The following DTNB variants were observed in gnomAD, a reference collection of about 807,000 sequenced individuals.
DTNB encodes DTN-B.
Under a neutral mutation model 90.7 loss-of-function variants are expected in DTNB, and 63 were observed. The observed-to-expected ratio is 0.69, with a 90% CI of 0.57 to 0.86. The LOEUF (loss-of-function observed/expected upper bound fraction) is 0.86. Ranked by LOEUF, DTNB falls within the 40% of genes least tolerant of loss-of-function variation. The probability of loss-of-function intolerance (pLI) is 0.00; values close to 1 mark genes in which losing one functional copy is unlikely to be tolerated. For missense variants in DTNB, 744 were observed against 807.1 expected (o/e 0.92, Z 0.95); for synonymous variants, 277 against 286.7 (o/e 0.97, Z 0.34).
At chr2:25,518,756 A>G (rs2075621454) in intron 9 of DTNB, among the ~76,000 whole-genome samples, 1 of 152,204 alleles carries the variant, frequency 6.6e-6, no homozygotes, top group East Asian at 1.9e-4. Flanking sequence ...TTAAGCTCAG[A>G]AGAATGATTC....
At chr2:25,445,863 A>T (rs1018790032) in intron 12 of DTNB, among the ~76,000 whole-genome samples, 33 of 151,240 alleles carry the variant, frequency 2.2e-4, no homozygotes, top group African/African-American at 7.8e-4. Context: ...TAGTTAGGAG[A>T]CAGGACAGTA....
intron 9 of DTNB, among the ~76,000 whole-genome samples, chr2:25,491,294 A>G (rs2067412886): frequency 6.6e-6 from 1 of 152,182 alleles, no homozygotes; most frequent in African/African-American, 2.4e-5. Context: ...AAGTTCCACA[A>G]CTTCCCAACA....
At chr2:25,389,811 A>G (rs2040565201) in intron 16 of DTNB, among the ~76,000 whole-genome samples, 1 of 151,774 alleles carries the variant, frequency 6.6e-6, no homozygotes. Context: ...CTCAACAGAA[A>G]TGGATTGTTT....
At chr2:25,566,897 T>C (rs929244835) in intron 8 of DTNB, among the ~76,000 whole-genome samples, 12 of 152,154 alleles carry the variant, frequency 7.9e-5, no homozygotes, top group Non-Finnish European at 7.4e-5. Flanking sequence ...GACTGACTTA[T>C]GAGAAAGCTG....
intron 10 of DTNB, among the ~76,000 whole-genome samples, chr2:25,473,543 G>A (rs2063202269): frequency 1.3e-5 from 2 of 152,200 alleles, no homozygotes; most frequent in South Asian, 2.1e-4. Flanking sequence ...AAGAGAGGAA[G>A]AGAGTATGTG....
chr2:25,657,288 T>TA (rs35284164), intron 1 of DTNB, among the ~76,000 whole-genome samples: 504 of 148,530 alleles, frequency 3.4e-3, no homozygotes, highest in Middle Eastern at 0.017. Flanking sequence ...ACCCATGAAA[T>TA]AAAAAAAAAA....
chr2:25,394,029 T>C (rs2041808812), intron 16 of DTNB, among the ~76,000 whole-genome samples: 2 of 152,144 alleles, frequency 1.3e-5, no homozygotes, highest in Admixed American at 1.3e-4. Flanking sequence ...AACAGCATGG[T>C]ACTGGTATAA....
chr2:25,431,732 C>A (rs2053916985), intron 14 of DTNB, among the ~76,000 whole-genome samples: 1 of 152,142 alleles, frequency 6.6e-6, no homozygotes, highest in Non-Finnish European at 1.5e-5. Flanking sequence ...AGGCACTAGA[C>A]AACAGGTGCA....
chr2:25,435,351 T>C (rs1426983597), intron 12 of DTNB, among the ~76,000 whole-genome samples: 1 of 152,146 alleles, frequency 6.6e-6, no homozygotes, highest in Non-Finnish European at 1.5e-5. Context: ...ATTCATGAGG[T>C]TGTGAAGCCA....
chr2:25,531,506 T>C lies in DTNB; in HGVS notation c.968A>G (p.Gln323Arg). The change falls in exon 9 of 21, where the codon CAA (glutamine) becomes CGA (arginine). Residue 323 changes from glutamine (Q) to arginine (R), a missense_variant. By Grantham distance (43) the Gln-to-Arg change is conservative (BLOSUM62 1). Coordinates refer to ENST00000406818, the MANE Select transcript of DTNB (RefSeq NM_021907.5). Reference sequence around the variant, plus strand: ...TGCAAGGTCAAGTGGTTTCTCTGGTTGCTCAGGAAAAACAGGATGCGGGGG... The same window carrying C: ...TGCAAGGTCAAGTGGTTTCTCTGGTCGCTCAGGAAAAACAGGATGCGGGGG... ...REPPHPVFPE[Q>R]PEKPLDLAHI... 1 of 1,613,980 alleles carries C rather than the reference T, an allele frequency of 6.2e-7. No homozygotes were observed. The highest frequency in any genetic ancestry group is 1.1e-5 in the South Asian group (1 of 91,080).
chr2:25,444,374 T>C (rs1240521597), intron 12 of DTNB, among the ~76,000 whole-genome samples: 1 of 151,594 alleles, frequency 6.6e-6, no homozygotes, highest in Non-Finnish European at 1.5e-5. Flanking sequence ...ATTAAAAACA[T>C]ACAAAAAATT....
At chr2:25,556,407 A>G (rs1445220776) in intron 8 of DTNB, among the ~76,000 whole-genome samples, 2 of 152,134 alleles carry the variant, frequency 1.3e-5, no homozygotes, top group Non-Finnish European at 2.9e-5. Flanking sequence ...CCAAAACTGA[A>G]TATTATCAAT....
intron 12 of DTNB, among the ~76,000 whole-genome samples, chr2:25,448,679 C>A (rs1388405877): frequency 6.6e-6 from 1 of 151,812 alleles, no homozygotes; most frequent in Non-Finnish European, 1.5e-5. Flanking sequence ...ACGGTGAAAC[C>A]CCATCTCTAC....
chr2:25,494,848 G>A (rs775084384), intron 9 of DTNB, among the ~76,000 whole-genome samples: 12 of 151,652 alleles, frequency 7.9e-5, no homozygotes, highest in Middle Eastern at 3.2e-3. Context: ...TATTCCTCCC[G>A]GAACATCACA....
intron 8 of DTNB, among the ~76,000 whole-genome samples, chr2:25,533,703 T>C (rs2078723153): frequency 6.6e-6 from 1 of 152,252 alleles, no homozygotes; most frequent in Non-Finnish European, 1.5e-5. Context: ...TGTGTTCTTT[T>C]AGGTCTCTGT....
intron 8 of DTNB, among the ~76,000 whole-genome samples, chr2:25,575,801 AC>A (rs1431312797): frequency 6.6e-6 from 1 of 152,202 alleles, no homozygotes; most frequent in African/African-American, 2.4e-5. Context: ...CCACCAACCA[AC>A]AAACAAAAAC....
chr2:25,411,565 C>T (rs1379225753), intron 16 of DTNB, among the ~76,000 whole-genome samples: 1 of 152,096 alleles, frequency 6.6e-6, no homozygotes, highest in Non-Finnish European at 1.5e-5. Flanking sequence ...TATCCTGGGA[C>T]TGCGACCCAG....
At chr2:25,420,457 C>A (rs7561101) in intron 15 of DTNB, among the ~76,000 whole-genome samples, 1,620 of 149,704 alleles carry the variant, frequency 0.011, 40 homozygotes, top group African/African-American at 0.038. Context: ...TGGTCTCTGT[C>A]ATCTAAATCA....
At chr2:25,529,649 T>C (rs2150899230) in intron 9 of DTNB, among the ~76,000 whole-genome samples, 1 of 152,274 alleles carries the variant, frequency 6.6e-6, no homozygotes, top group South Asian at 2.1e-4. Context: ...ATCAATCCAG[T>C]TAAAAATTCA....
Sources: allele counts gnomAD v4.1 joint callset (sites outside exome capture counted in the v4.1 genomes callset), GRCh38; gene constraint gnomAD v4.1.1; transcripts MANE v1.5; gene names NCBI Gene and HGNC (gene_info 2026-07-23, HGNC 2026-07-21).